ANKS1B: variants seen among roughly 807,000 people sequenced by gnomAD.
ANKS1B encodes the protein ankyrin repeat and sterile alpha motif domain containing 1B.
Under a neutral mutation model 148.3 loss-of-function variants are expected in ANKS1B, and 36 were observed. The observed-to-expected ratio is 0.24, with a 90% CI of 0.19 to 0.32. The LOEUF (loss-of-function observed/expected upper bound fraction) is 0.32, where lower values mean the gene tolerates loss of function less well. ANKS1B is among the 10% of genes least tolerant of loss of function. The probability of loss-of-function intolerance (pLI) is 1.00; values close to 1 mark genes in which losing one functional copy is unlikely to be tolerated. For missense variants in ANKS1B, 1,157 were observed against 1,542.6 expected (o/e 0.75, Z 4.19); for synonymous variants, 542 against 560.8 (o/e 0.97, Z 0.47).
At chr12:99,882,797 C>A (rs1228225193) in intron 1 of ANKS1B, among the ~76,000 whole-genome samples, 1 of 152,042 alleles carries the variant, frequency 6.6e-6, no homozygotes, top group East Asian at 1.9e-4. Flanking sequence ...CTACTGAAAT[C>A]ATAAGAAGAA....
At chr12:99,676,023 G>T (rs574069370) in intron 8 of ANKS1B, among the ~76,000 whole-genome samples, 222 of 152,208 alleles carry the variant, frequency 1.5e-3, no homozygotes, top group Non-Finnish European at 2.0e-3. Context: ...GGACCCAGTG[G>T]GAGGTAATTG....
At chr12:99,533,185 TG>T (rs1480517427) in intron 9 of ANKS1B, among the ~76,000 whole-genome samples, 1 of 152,246 alleles carries the variant, frequency 6.6e-6, no homozygotes, top group Non-Finnish European at 1.5e-5. Context: ...CATTTGTTTG[TG>T]TCATCTATGA....
chr12:98,824,996 T>C (rs943877828), intron 19 of ANKS1B, among the ~76,000 whole-genome samples: 28 of 152,104 alleles, frequency 1.8e-4, no homozygotes, highest in African/African-American at 6.8e-4. Context: ...GTTTTTAAAA[T>C]ATTTTATATC....
chr12:99,938,581 G>C (rs1159363027), intron 1 of ANKS1B, among the ~76,000 whole-genome samples: 1 of 152,148 alleles, frequency 6.6e-6, no homozygotes, highest in Non-Finnish European at 1.5e-5. Flanking sequence ...CATATCATAA[G>C]AGGTAAACTC....
rs555720116 is a variant in ANKS1B at position 99,680,703 on chromosome 12, A to G, written c.1129-25493T>C. Among the ~76,000 whole-genome samples, 4 of 152,274 alleles carry G rather than the reference A, an allele frequency of 2.6e-5. 1 individual carries two copies. The South Asian group carries it at 8.3e-4, about 32-fold the overall frequency. On this transcript the variant is annotated intron_variant, in intron 8 of 26. Coordinates refer to ENST00000683438, the MANE Select transcript of ANKS1B (RefSeq NM_001352186.2). The stretch of plus-strand genomic sequence containing the variant: ...CAGGCAGGGAGGGGTGAAGCCTGAA[A>G]TCCCTGCTTGCTTTCTCAGCTCTTA...
At position 99,084,945 on chromosome 12, in the gene ANKS1B, C is replaced by T. The variant is rs779439734; in HGVS notation, c.2605G>A (p.Ala869Thr). 5.6e-6 allele frequency: 9 copies of T among 1,609,980 alleles called. No individual in the cohort carries two copies. Among genetic ancestry groups the T allele is most frequent in the Non-Finnish European group, 7.6e-6 (9 of 1,178,120 alleles). ...NSGHRQRILQ[A>T]IQLLPKMRPI... is the part of the protein sequence containing the mutation. ...CTCACCTTTGGAAGGAGCTGGATTG[C>T]CTGTAGAATTCTTTGTCTGTGCCCA... Residue 869 changes from alanine (A) to threonine (T), a missense_variant, in exon 16 of 27, where the codon GCA becomes ACA. Around this residue, in one of 6 missense-constraint regions of ANKS1B, gnomAD observed 258 missense variants for 497.0 expected, o/e 0.52. Transcript: ENST00000683438.
At chr12:99,944,832 GGAAAAACTGGAGACATAGATAAGT>G (rs1239491932) in intron 1 of ANKS1B, among the ~76,000 whole-genome samples, 16 of 152,074 alleles carry the variant, frequency 1.1e-4, no homozygotes, top group African/African-American at 3.9e-4. Flanking sequence ...GGATTGCTAG[GGAAAAACTGGAGACATAGATAAGT>G]GAAAAACTCA....
At chr12:99,908,969 A>G (rs2093896900) in intron 1 of ANKS1B, among the ~76,000 whole-genome samples, 1 of 152,062 alleles carries the variant, frequency 6.6e-6, no homozygotes, top group African/African-American at 2.4e-5. Context: ...CTACATAATT[A>G]CAACTTTGTA....
At chr12:99,327,375 T>C (rs1381911144) in intron 12 of ANKS1B, among the ~76,000 whole-genome samples, 2 of 129,454 alleles carry the variant, frequency 1.5e-5, no homozygotes, top group Non-Finnish European at 1.6e-5. Context: ...TTACATATTA[T>C]ATATAATTAT....
chr12:99,100,378 A>G (rs1230194392), intron 15 of ANKS1B, among the ~76,000 whole-genome samples: 1 of 152,112 alleles, frequency 6.6e-6, no homozygotes, highest in Non-Finnish European at 1.5e-5. Context: ...TCACACTATC[A>G]TTTCACAACA....
chr12:99,683,983 A>G (rs1567637244), intron 8 of ANKS1B, among the ~76,000 whole-genome samples: 1 of 152,120 alleles, frequency 6.6e-6, no homozygotes, highest in Non-Finnish European at 1.5e-5. Flanking sequence ...TCCATCTAAG[A>G]CAAACCCACA....
At chr12:99,569,704 A>G (rs1037466414) in intron 9 of ANKS1B, among the ~76,000 whole-genome samples, 1 of 152,092 alleles carries the variant, frequency 6.6e-6, no homozygotes, top group African/African-American at 2.4e-5. Context: ...TTTTCACCCA[A>G]TGTCCACCCC....
intron 1 of ANKS1B, among the ~76,000 whole-genome samples, chr12:99,936,157 C>T (rs1170695447): frequency 2.6e-5 from 4 of 152,100 alleles, no homozygotes; most frequent in South Asian, 4.1e-4. Flanking sequence ...ATGAGGATTA[C>T]AATCCAAGGT....
intron 8 of ANKS1B, among the ~76,000 whole-genome samples, chr12:99,694,802 A>T (rs534404600): frequency 2.0e-5 from 3 of 152,294 alleles, no homozygotes; most frequent in Admixed American, 1.3e-4. Context: ...TGCTCAACCT[A>T]TTCCTAGTGC....
rs188950747 is a variant in ANKS1B at position 99,269,652 on chromosome 12, G to A, written c.1757-22788C>T. ...CGGCTCACTGCAAGCTCCGCGTCCC[G>A]GGTTCACGCCATTCTCCTGCCTCAG... On this transcript the variant is annotated intron_variant, in intron 12 of 26. Coordinates refer to ENST00000683438, the MANE Select transcript of ANKS1B (RefSeq NM_001352186.2). 4.7e-3 allele frequency among the ~76,000 whole-genome samples: 712 copies of A among 152,190 alleles called. 5 individuals are homozygous for A. The highest frequency in any genetic ancestry group is 8.4e-3 in the Non-Finnish European group (568 of 67,990).
chr12:99,721,700 A>G (rs920603585), intron 8 of ANKS1B, among the ~76,000 whole-genome samples: 2 of 152,330 alleles, frequency 1.3e-5, no homozygotes, highest in African/African-American at 4.8e-5. Context: ...TGCTCACACA[A>G]AGCCTGTTTG....
At chr12:98,968,351 A>G (rs2099880358) in intron 17 of ANKS1B, among the ~76,000 whole-genome samples, 1 of 152,168 alleles carries the variant, frequency 6.6e-6, no homozygotes, top group Non-Finnish European at 1.5e-5. Context: ...CTACTGAAAC[A>G]GAAACTCTGA....
chr12:99,490,735 G>A (rs1366985598), intron 10 of ANKS1B, among the ~76,000 whole-genome samples: 2 of 152,178 alleles, frequency 1.3e-5, no homozygotes, highest in Non-Finnish European at 2.9e-5. Context: ...TGTATTGTAT[G>A]TCAGTTAGTT....
chr12:99,176,383 A>G (rs1299333081), intron 14 of ANKS1B, among the ~76,000 whole-genome samples: 2 of 152,144 alleles, frequency 1.3e-5, no homozygotes, highest in Non-Finnish European at 2.9e-5. Context: ...AGTCCATCAC[A>G]CATTTTCACC....
Sources: allele counts gnomAD v4.1 joint callset (sites outside exome capture counted in the v4.1 genomes callset), GRCh38; gene constraint gnomAD v4.1.1; regional missense constraint gnomAD v4.1.1; transcripts MANE v1.5; gene names NCBI Gene and HGNC (gene_info 2026-07-23, HGNC 2026-07-21).